MAP3K7CL: variants seen among roughly 807,000 people sequenced by gnomAD.
MAP3K7CL encodes the protein MAP3K7 C-terminal-like protein.
MAP3K7CL carries 16 observed loss-of-function variants against 18.6 expected under a neutral mutation model. The ratio of observed to expected loss-of-function variants is 0.86; its 90% CI spans 0.58 to 1.31. MAP3K7CL has a LOEUF of 1.31. Among genes scored for constraint, MAP3K7CL ranks in the 50% most tolerant of loss-of-function variants. The pLI is 0.00. For missense variants in MAP3K7CL, 163 were observed against 174.4 expected (o/e 0.93, Z 0.37); for synonymous variants, 65 against 66.8 (o/e 0.97, Z 0.13).
At chr21:29,132,809 G>A (rs966462587) in intron 1 of MAP3K7CL, among the ~76,000 whole-genome samples, 3 of 151,990 alleles carry the variant, frequency 2.0e-5, no homozygotes, top group Non-Finnish European at 2.9e-5. Flanking sequence ...CACACCCAGC[G>A]ACTTTTGGTA....
chr21:29,155,004 A>G (rs1281292119), intron 3 of MAP3K7CL, among the ~76,000 whole-genome samples: 2 of 152,242 alleles, frequency 1.3e-5, no homozygotes, highest in Non-Finnish European at 1.5e-5. Flanking sequence ...TGACTTAAAT[A>G]TACTTTACTC....
intron 4 of MAP3K7CL, among the ~76,000 whole-genome samples, chr21:29,167,176 T>G (rs2087709152): frequency 6.6e-6 from 1 of 152,256 alleles, no homozygotes; most frequent in African/African-American, 2.4e-5. Context: ...TCTCCTGTGC[T>G]TCATTGGCCA....
intron 3 of MAP3K7CL, among the ~76,000 whole-genome samples, chr21:29,154,209 C>T (rs577022932): frequency 6.6e-6 from 1 of 152,074 alleles, no homozygotes; most frequent in South Asian, 2.1e-4. Flanking sequence ...AATAATTGCT[C>T]AATTAATGTA....
At chr21:29,133,244 C>T in intron 1 of MAP3K7CL, 62 bp from the exon 2 acceptor site, 1 of 1,274,082 alleles carries the variant, frequency 7.8e-7, no homozygotes, top group Non-Finnish European at 1.1e-6. Context: ...TTCCAAGGGC[C>T]TCTGAGTATT....
intron 4 of MAP3K7CL, among the ~76,000 whole-genome samples, chr21:29,124,182 A>G (rs1327302395): frequency 6.6e-6 from 1 of 151,850 alleles, no homozygotes; most frequent in African/African-American, 2.4e-5. Context: ...GTGAAACCCC[A>G]TCTCTACTAA....
intron 2 of MAP3K7CL, 67 bp from the exon 3 acceptor site, chr21:29,149,122 G>A: frequency 2.4e-6 from 3 of 1,247,428 alleles, no homozygotes; most frequent in Non-Finnish European, 3.5e-6. Flanking sequence ...TCTAACTCTG[G>A]GGGAGTCCAA....
chr21:29,142,992 C>T (rs2087041670), intron 2 of MAP3K7CL, among the ~76,000 whole-genome samples: 1 of 152,132 alleles, frequency 6.6e-6, no homozygotes, highest in South Asian at 2.1e-4. Context: ...TCTGTATGAG[C>T]CTCAACACTT....
chr21:29,083,848 A>G (rs1222153279), upstream of MAP3K7CL, among the ~76,000 whole-genome samples: 5 of 149,696 alleles, frequency 3.3e-5, no homozygotes, highest in Admixed American at 6.6e-5. Context: ...GTGTGTGTGT[A>G]TATATGTGTG....
intron 4 of MAP3K7CL, chr21:29,109,633 A>G (rs1012183267): frequency 1.0e-6 from 1 of 995,130 alleles, no homozygotes; most frequent in African/African-American, 1.7e-5. Context: ...TTGATATAGT[A>G]ATGATGAATG....
chr21:29,114,993 T>C (rs1350093359), intron 4 of MAP3K7CL, among the ~76,000 whole-genome samples: 1 of 152,214 alleles, frequency 6.6e-6, no homozygotes. Flanking sequence ...TTGACTGTTT[T>C]CTTTAGTATT....
intron 4 of MAP3K7CL, among the ~76,000 whole-genome samples, chr21:29,118,680 CTG>C (rs1377810804): frequency 1.3e-5 from 2 of 152,204 alleles, no homozygotes; most frequent in Non-Finnish European, 2.9e-5. Context: ...TCTGAAAACA[CTG>C]AGAGAAGTTC....
At chr21:29,092,780 C>T (rs2086052506) in intron 4 of MAP3K7CL, among the ~76,000 whole-genome samples, 1 of 152,218 alleles carries the variant, frequency 6.6e-6, no homozygotes, top group African/African-American at 2.4e-5. Context: ...CACTTTCTCA[C>T]CAGGCAGGGG....
rs1345446909 is a variant in MAP3K7CL, at chr21:29,112,889, ACCTCTG to A, written c.370+20313_370+20318del. On this transcript the variant is annotated intron_variant, in intron 4 of 6. Transcript: ENST00000286791. ...CCAGGCTAGAGTGCGCACCACTGCA[ACCTCTG>A]CCTCCTGGGTTCAAGCGATTCTCCT... Among the ~76,000 whole-genome samples, 4 of 151,660 alleles carry A rather than the reference ACCTCTG, an allele frequency of 2.6e-5. No individual in the cohort carries two copies. The East Asian group carries it at 7.7e-4, about 29-fold the overall frequency.
chr21:29,118,975 G>T (rs1699531487), intron 4 of MAP3K7CL, among the ~76,000 whole-genome samples: 1 of 152,138 alleles, frequency 6.6e-6, no homozygotes, highest in Admixed American at 6.5e-5. Flanking sequence ...CTAGATGATG[G>T]TGCTGGTCTT....
chr21:29,128,705 A>G (rs2086724528), upstream of MAP3K7CL, among the ~76,000 whole-genome samples: 1 of 152,210 alleles, frequency 6.6e-6, no homozygotes, highest in South Asian at 2.1e-4. Flanking sequence ...TATTATGGTC[A>G]TTCATCCTCA....
intron 4 of MAP3K7CL, chr21:29,109,346 T>C (rs575635424): frequency 1.9e-5 from 26 of 1,397,550 alleles, no homozygotes; most frequent in Non-Finnish European, 2.4e-5. Context: ...AATTTGATTT[T>C]CATTAGTAAT....
At chr21:29,125,704 C>A (rs1008893337), upstream of MAP3K7CL, among the ~76,000 whole-genome samples, 3 of 152,122 alleles carry the variant, frequency 2.0e-5, no homozygotes, top group African/African-American at 7.2e-5. Context: ...CATTGCCCTA[C>A]GAGAAGGTTT....
At chr21:29,097,485 G>GC (rs1024142089) in intron 4 of MAP3K7CL, among the ~76,000 whole-genome samples, 3 of 152,074 alleles carry the variant, frequency 2.0e-5, no homozygotes, top group Non-Finnish European at 4.4e-5. Flanking sequence ...TATTGCCACT[G>GC]CAATTCCCCT....
At chr21:29,153,979 A>G (rs538967266) in intron 3 of MAP3K7CL, among the ~76,000 whole-genome samples, 1 of 152,352 alleles carries the variant, frequency 6.6e-6, no homozygotes, top group African/African-American at 2.4e-5. Context: ...TGTCAGGTAT[A>G]GGACATGATA....
Sources: gnomAD v4.1 joint callset for allele counts (sites outside exome capture counted in the v4.1 genomes callset) on GRCh38, gnomAD v4.1.1 for gene constraint, MANE v1.5 for transcripts, NCBI Gene and HGNC (gene_info 2026-07-23, HGNC 2026-07-21) for gene names.